The following CDK17 variants were observed in gnomAD, a reference collection of about 807,000 sequenced individuals.
CDK17 encodes the protein cyclin dependent kinase 17, also known as cyclin-dependent kinase 17.
CDK17 carries 24 observed loss-of-function variants against 77.6 expected under a neutral mutation model. The observed-to-expected ratio is 0.31, with a 90% CI of 0.22 to 0.44. The LOEUF (loss-of-function observed/expected upper bound fraction) is 0.44. Among genes scored for constraint, CDK17 ranks in the 20% least tolerant of loss-of-function variants. CDK17 has a pLI of 1.00. For synonymous variants in CDK17, 203 were observed against 210.4 expected (o/e 0.96, Z 0.30); for missense variants, 429 against 622.5 (o/e 0.69, Z 3.31).
At chr12:96,294,039 A>G (rs772667374) in intron 10 of CDK17, among the ~76,000 whole-genome samples, 5 of 152,204 alleles carry the variant, frequency 3.3e-5, no homozygotes, top group Non-Finnish European at 7.3e-5. Flanking sequence ...CAGTCATTTA[A>G]GTAAAAATGG....
intron 3 of CDK17, among the ~76,000 whole-genome samples, chr12:96,320,254 T>C (rs1592726338): frequency 6.9e-6 from 1 of 145,166 alleles, no homozygotes; most frequent in Non-Finnish European, 1.5e-5. Flanking sequence ...TTACAAGGGA[T>C]GTGAAGGACC....
intron 1 of CDK17, among the ~76,000 whole-genome samples, chr12:96,350,087 G>C (rs1187620447): frequency 6.6e-6 from 1 of 152,072 alleles, no homozygotes; most frequent in Non-Finnish European, 1.5e-5. Context: ...CTTATATGCT[G>C]AAAATTACAA....
In CDK17 at chr12:96,297,253, C is replaced by G; in HGVS notation, c.873+17G>C. Reference sequence around the variant, plus strand: ...CTTTAAACAAAATTTAAAAATTACACACGCAAGAAAACATACCTTTACGTT... The same window carrying G: ...CTTTAAACAAAATTTAAAAATTACAGACGCAAGAAAACATACCTTTACGTT... On this transcript the variant is annotated intron_variant, in intron 9 of 16. Transcript: ENST00000261211. 7 of 1,563,716 alleles carry G rather than the reference C, an allele frequency of 4.5e-6. No homozygotes were observed. Among genetic ancestry groups the G allele is most frequent in the Non-Finnish European group, 6.1e-6 (7 of 1,139,328 alleles).
intron 6 of CDK17, among the ~76,000 whole-genome samples, chr12:96,299,838 T>C (rs1435162176): frequency 2.0e-5 from 3 of 152,224 alleles, no homozygotes; most frequent in African/African-American, 7.2e-5. Context: ...CTTTGCCCTT[T>C]CCTACTATAG....
chr12:96,311,461 C>A (rs1389935624), intron 4 of CDK17, among the ~76,000 whole-genome samples: 1 of 149,854 alleles, frequency 6.7e-6, no homozygotes, highest in Non-Finnish European at 1.5e-5. Flanking sequence ...ATTTATTATA[C>A]CATATAGTAA....
At chr12:96,351,796 G>A (rs886668880) in intron 1 of CDK17, among the ~76,000 whole-genome samples, 5 of 152,018 alleles carry the variant, frequency 3.3e-5, no homozygotes, top group African/African-American at 1.2e-4. Context: ...GAAATAATTG[G>A]CTAAATAATT....
intron 3 of CDK17, among the ~76,000 whole-genome samples, chr12:96,321,822 G>A (rs1414106657): frequency 3.3e-4 from 38 of 115,864 alleles, no homozygotes; most frequent in African/African-American, 1.0e-3. Context: ...GGTGGGGGGA[G>A]GGGGGAGGGA....
At chr12:96,309,886 G>A (rs1952624091) in intron 5 of CDK17, among the ~76,000 whole-genome samples, 1 of 152,126 alleles carries the variant, frequency 6.6e-6, no homozygotes. Flanking sequence ...TTATATGCTA[G>A]TGATATACGT....
At chr12:96,306,354 G>A (rs1952576958) in intron 5 of CDK17, among the ~76,000 whole-genome samples, 1 of 151,722 alleles carries the variant, frequency 6.6e-6, no homozygotes, top group Admixed American at 6.6e-5. Flanking sequence ...ACTGCTTGAG[G>A]CCAGGAGTTC....
chr12:96,349,264 G>C (rs953439744), intron 1 of CDK17, among the ~76,000 whole-genome samples: 1 of 152,104 alleles, frequency 6.6e-6, no homozygotes, highest in Non-Finnish European at 1.5e-5. Flanking sequence ...GACCAGCCTG[G>C]ACAACATGGT....
intron 1 of CDK17, among the ~76,000 whole-genome samples, chr12:96,372,450 T>C (rs879574142): frequency 2.6e-5 from 4 of 152,224 alleles, no homozygotes; most frequent in Non-Finnish European, 5.9e-5. Context: ...GGAGGCACTC[T>C]AATCCTCCAT....
At chr12:96,343,836 T>C (rs1353817197) in intron 1 of CDK17, among the ~76,000 whole-genome samples, 1 of 152,054 alleles carries the variant, frequency 6.6e-6, no homozygotes, top group Non-Finnish European at 1.5e-5. Flanking sequence ...CAGGAAAGCA[T>C]GGCCCATTAA....
intron 5 of CDK17, among the ~76,000 whole-genome samples, chr12:96,304,020 TAAAAC>T (rs536597169): frequency 6.2e-4 from 95 of 152,248 alleles, no homozygotes; most frequent in African/African-American, 2.0e-3. Flanking sequence ...GATCAACTAA[TAAAAC>T]AAATAACCAT....
chr12:96,352,850 A>G (rs1953331591), intron 1 of CDK17, among the ~76,000 whole-genome samples: 1 of 152,208 alleles, frequency 6.6e-6, no homozygotes, highest in South Asian at 2.1e-4. Context: ...CAAATAGATG[A>G]CAATTTTTTA....
At chr12:96,382,444 A>G (rs1953899660) in intron 1 of CDK17, among the ~76,000 whole-genome samples, 1 of 152,084 alleles carries the variant, frequency 6.6e-6, no homozygotes, top group African/African-American at 2.4e-5. Context: ...ATAAAGAAAA[A>G]TTGGTACCAA....
chr12:96,356,045 C>T (rs1219005535), intron 1 of CDK17, among the ~76,000 whole-genome samples: 1 of 152,030 alleles, frequency 6.6e-6, no homozygotes, highest in East Asian at 1.9e-4. Context: ...CACACACAGG[C>T]CCTATCATGT....
chr12:96,318,819 T>C (rs1198720014), intron 3 of CDK17, among the ~76,000 whole-genome samples: 32 of 107,550 alleles, frequency 3.0e-4, no homozygotes, highest in Admixed American at 8.1e-4. Flanking sequence ...GGGAAATTTA[T>C]AGCACTAAAT....
At chr12:96,398,910 A>G (rs1484158590) in intron 1 of CDK17, among the ~76,000 whole-genome samples, 1 of 152,262 alleles carries the variant, frequency 6.6e-6, no homozygotes, top group Non-Finnish European at 1.5e-5. Context: ...ATTTCAGCTA[A>G]ACGCTTTTTG....
intron 1 of CDK17, among the ~76,000 whole-genome samples, chr12:96,373,145 T>C (rs1175947897): frequency 1.3e-5 from 2 of 152,220 alleles, no homozygotes; most frequent in African/African-American, 2.4e-5. Flanking sequence ...TTATAGCACA[T>C]AGGAAGTTCA....
Sources: allele counts gnomAD v4.1 joint callset (sites outside exome capture counted in the v4.1 genomes callset), GRCh38; gene constraint gnomAD v4.1.1; transcripts MANE v1.5; gene names NCBI Gene and HGNC (gene_info 2026-07-23, HGNC 2026-07-21).